Variants in TGM2 observed in about 807,000 individuals in gnomAD.
TGM2 encodes the protein protein-glutamine gamma-glutamyltransferase 2.
In TGM2, 53 loss-of-function variants were observed where a neutral mutation model predicts 75.6. That is an observed-to-expected ratio of 0.70 (90% CI 0.56 to 0.88). The LOEUF (loss-of-function observed/expected upper bound fraction) is 0.88, where lower values mean the gene tolerates loss of function less well. Ranked by LOEUF, TGM2 falls within the 40% of genes least tolerant of loss-of-function variation. The pLI is 0.00. For synonymous variants in TGM2, 374 were observed against 381.1 expected (o/e 0.98, Z 0.22); for missense variants, 842 against 928.5 (o/e 0.91, Z 1.21).
intron 3 of TGM2, 100 bp downstream of exon 3, chr20:38,155,747 T>C (rs1600513329): frequency 6.8e-7 from 1 of 1,478,858 alleles, no homozygotes; most frequent in Non-Finnish European, 9.0e-7. Context: ...CTTTGATGTG[T>C]GTCTCTTATC....
chr20:38,130,800 C>T (rs147870660), intron 12 of TGM2, among the ~76,000 whole-genome samples: 3 of 152,292 alleles, frequency 2.0e-5, no homozygotes, highest in African/African-American at 7.2e-5. Flanking sequence ...TGTGGACATT[C>T]GGAGGGCAGA....
At chr20:38,136,916 C>T (rs1408512538) in intron 10 of TGM2, among the ~76,000 whole-genome samples, 1 of 152,206 alleles carries the variant, frequency 6.6e-6, no homozygotes, top group Non-Finnish European at 1.5e-5. Context: ...GTGGAAGGGA[C>T]CCAGAGGACA....
At chr20:38,153,524 C>CAAAAAAAAAAAAAAAAAAAAGA (rs1231793414) in intron 3 of TGM2, among the ~76,000 whole-genome samples, 1 of 63,850 alleles carries the variant, frequency 1.6e-5, no homozygotes. Context: ...GCCTTGGTCT[C>CAAAAAAAAAAAAAAAAAAAAGA]AAAAAAAAGA....
At position 38,138,242 on chromosome 20, in the gene TGM2, T is replaced by C; in HGVS notation, c.1486A>G (p.Thr496Ala). 1.9e-6 allele frequency: 3 copies of C among 1,613,478 alleles called. No homozygotes were observed. Among genetic ancestry groups the C allele is most frequent in the Non-Finnish European group, 2.5e-6 (3 of 1,179,764 alleles). The change falls in exon 10 of 13, where the codon ACC becomes GCC. Residue 496 changes from threonine to alanine, a missense_variant. Physicochemically the swap from Thr to Ala is moderately conservative, Grantham distance 58. Coordinates refer to ENST00000361475, the MANE Select transcript of TGM2 (RefSeq NM_004613.4). The part of the protein sequence containing the change: ...GSDFDVFAHI[T>A]NNTAEEYVCR... The stretch of plus-strand genomic sequence containing the variant: ...ACGTACTCCTCAGCGGTGTTGTTGG[T>C]GATGTGGGCAAAGACGTCAAAGTCA...
chr20:38,141,332 C>T lies in TGM2; in HGVS notation c.1049G>A (p.Gly350Glu), dbSNP rs1187752556. The change falls in exon 8 of 13, where the codon GGG becomes GAG. Residue 350 changes from glycine (G) to glutamate (E), a missense_variant. Gly to Glu is a moderately conservative substitution (Grantham distance 98). Transcript: ENST00000361475. ...GTCCAGGGCCTGCCAGCCCTCGTAC[C>T]CCGGCTGCAGGTCCGGCCTGGTCAT... The part of the protein sequence containing the change: ...SWMTRPDLQP[G>E]YEGWQALDPT... 9 of 1,592,320 alleles carry T rather than the reference C, an allele frequency of 5.7e-6. No homozygotes were observed. The highest frequency in any genetic ancestry group is 6.0e-6 in the Non-Finnish European group (7 of 1,169,496).
At chr20:38,136,957 C>G (rs1260936376) in intron 10 of TGM2, among the ~76,000 whole-genome samples, 1 of 152,202 alleles carries the variant, frequency 6.6e-6, no homozygotes, top group Non-Finnish European at 1.5e-5. Flanking sequence ...GTGACAAAGT[C>G]TTGGCTCGGG....
chr20:38,156,925 A>G (rs1313735354), intron 2 of TGM2, among the ~76,000 whole-genome samples: 1 of 151,852 alleles, frequency 6.6e-6, no homozygotes, highest in Non-Finnish European at 1.5e-5. Context: ...CAAAGAGGAC[A>G]CTCCCCAGCC....
intron 6 of TGM2, among the ~76,000 whole-genome samples, chr20:38,143,713 T>A (rs1322594893): frequency 2.0e-5 from 3 of 152,188 alleles, no homozygotes; most frequent in African/African-American, 7.2e-5. Context: ...AGTAACAGAT[T>A]CCCAGAAAAA....
intron 11 of TGM2, 117 bp from the exon 12 acceptor site, chr20:38,131,346 A>C (rs913061014): frequency 7.1e-7 from 1 of 1,408,474 alleles, no homozygotes; most frequent in African/African-American, 1.7e-5. Context: ...GTCTGCCACG[A>C]TCACCCCCCC....
chr20:38,150,515 T>C (rs972548795), intron 4 of TGM2, among the ~76,000 whole-genome samples: 4 of 152,242 alleles, frequency 2.6e-5, no homozygotes, highest in African/African-American at 9.6e-5. Flanking sequence ...CCTAGTGTTT[T>C]AAGACTCTCA....
upstream of TGM2, chr20:38,165,378 G>A (rs948267782): frequency 1.2e-6 from 1 of 827,652 alleles, no homozygotes; most frequent in Non-Finnish European, 1.9e-6. Context: ...CCAGTCCCGG[G>A]CCCACGCCGC....
intron 1 of TGM2, 111 bp downstream of exon 1, chr20:38,165,078 G>C: frequency 2.6e-6 from 4 of 1,526,688 alleles, no homozygotes; most frequent in African/African-American, 1.4e-5. Flanking sequence ...CACCCAGCCC[G>C]GTCTGCCTGT....
chr20:38,165,051 G>A, intron 1 of TGM2, 138 bp downstream of exon 1: 1 of 1,235,204 alleles, frequency 8.1e-7, no homozygotes, highest in East Asian at 2.5e-5. Flanking sequence ...GCTCCAAGCA[G>A]CATTGAGACG....
intron 1 of TGM2, 76 bp downstream of exon 1, chr20:38,165,113 A>T (rs2075297169): frequency 6.2e-7 from 1 of 1,608,286 alleles, no homozygotes; most frequent in Non-Finnish European, 8.5e-7. Context: ...GGACTTAGGG[A>T]TTCAGCTCCC....
intron 2 of TGM2, among the ~76,000 whole-genome samples, chr20:38,156,750 T>C (rs764933892): frequency 7.2e-5 from 11 of 152,188 alleles, no homozygotes; most frequent in Non-Finnish European, 1.5e-4. Context: ...TACAGCCTTT[T>C]ACACTTCATG....
At chr20:38,148,161 C>A in intron 4 of TGM2, 72 bp from the exon 5 acceptor site, 1 of 1,598,308 alleles carries the variant, frequency 6.3e-7, no homozygotes, top group Admixed American at 1.7e-5. Flanking sequence ...TGCGTTGAAG[C>A]CTCCAGCAGC....
intron 2 of TGM2, among the ~76,000 whole-genome samples, chr20:38,160,627 C>T (rs772527777): frequency 7.2e-5 from 11 of 152,208 alleles, no homozygotes; most frequent in East Asian, 1.9e-4. Flanking sequence ...TGTCCAGCCC[C>T]GGAGATTGAG....
chr20:38,161,373 AGTGGTG>A (rs372765546), intron 2 of TGM2, 41 bp downstream of exon 2: 5 of 1,589,470 alleles, frequency 3.1e-6, no homozygotes, highest in African/African-American at 2.7e-5. Flanking sequence ...GTGGAGAGGA[AGTGGTG>A]GTGGTGGTGG....
rs45562840 is a variant in TGM2 at position 38,136,136 on chromosome 20, G to T, written c.1615+1977C>A. 1.4e-4 allele frequency among the ~76,000 whole-genome samples: 21 copies of T among 152,300 alleles called. 1 individual carries two copies. The East Asian group carries it at 4.1e-3, about 29-fold the overall frequency. On this transcript the variant is annotated intron_variant, in intron 10 of 12. Transcript: ENST00000361475. ...GGGCCTGGCCCCTGCTGAGGAGTCT[G>T]CCCCGGGCCGGACAGTGGGTGTGCC...
Sources: gnomAD v4.1 joint callset for allele counts (sites outside exome capture counted in the v4.1 genomes callset) on GRCh38, gnomAD v4.1.1 for gene constraint, MANE v1.5 for transcripts, NCBI Gene and HGNC (gene_info 2026-07-23, HGNC 2026-07-21) for gene names.